The following RIMS2 variants were observed in gnomAD, a reference collection of about 807,000 sequenced individuals.
RIMS2 encodes the protein regulating synaptic membrane exocytosis protein 2.
In RIMS2, 59 loss-of-function variants were observed where a neutral mutation model predicts 174.4. The ratio of observed to expected loss-of-function variants is 0.34; its 90% CI spans 0.27 to 0.42. The LOEUF (loss-of-function observed/expected upper bound fraction) is 0.42, where lower values mean the gene tolerates loss of function less well. Ranked by LOEUF, RIMS2 falls within the 10% of genes least tolerant of loss-of-function variation. The pLI is 1.00. For synonymous variants in RIMS2, 606 were observed against 572.5 expected, an observed-to-expected ratio of 1.06 and a Z score of -0.84; for missense variants, 1,620 against 1,666.3, an observed-to-expected ratio of 0.97 and a Z score of 0.48.
intron 16 of RIMS2, among the ~76,000 whole-genome samples, chr8:103,981,060 A>G (rs2093859112): frequency 6.6e-6 from 1 of 152,182 alleles, no homozygotes; most frequent in Non-Finnish European, 1.5e-5. Context: ...CTGATTGTAG[A>G]GTCCTAGGAC....
At chr8:104,170,608 A>C (rs1295398575) in intron 19 of RIMS2, among the ~76,000 whole-genome samples, 1 of 152,060 alleles carries the variant, frequency 6.6e-6, no homozygotes, top group Non-Finnish European at 1.5e-5. Flanking sequence ...TTTTTTATCC[A>C]TTCTACCATT....
At chr8:103,755,773 A>G (rs377145984) in intron 2 of RIMS2, among the ~76,000 whole-genome samples, 122 of 152,238 alleles carry the variant, frequency 8.0e-4, no homozygotes, top group African/African-American at 2.8e-3. Context: ...TTTCAGCTCT[A>G]TCAGTTCATT....
At chr8:104,168,963 A>G (rs991881496) in intron 19 of RIMS2, among the ~76,000 whole-genome samples, 13 of 151,808 alleles carry the variant, frequency 8.6e-5, no homozygotes, top group Non-Finnish European at 1.8e-4. Flanking sequence ...TGACTTGTGT[A>G]TGTTAAACCA....
chr8:103,895,562 A>C (rs1243628165), intron 4 of RIMS2, among the ~76,000 whole-genome samples: 1 of 151,586 alleles, frequency 6.6e-6, no homozygotes. Flanking sequence ...ATTGGGGATT[A>C]AGGCTTCAAC....
chr8:103,693,418 C>T (rs2097057963), intron 1 of RIMS2, among the ~76,000 whole-genome samples: 3 of 152,220 alleles, frequency 2.0e-5, no homozygotes, highest in Admixed American at 6.5e-5. Context: ...ATTTGGTGTT[C>T]CTGTGAGGAG....
chr8:104,003,461 G>A (rs1402806514), intron 17 of RIMS2, among the ~76,000 whole-genome samples: 1 of 150,968 alleles, frequency 6.6e-6, no homozygotes, highest in African/African-American at 2.4e-5. Flanking sequence ...TCACCAGGCT[G>A]GAGTGCCAAT....
At chr8:103,874,552 A>T (rs146715865) in intron 3 of RIMS2, among the ~76,000 whole-genome samples, 1 of 152,212 alleles carries the variant, frequency 6.6e-6, no homozygotes, top group African/African-American at 2.4e-5. Context: ...ACATTTTTAG[A>T]GAATAGATTT....
At chr8:104,049,701 A>G (rs2096754016) in intron 19 of RIMS2, among the ~76,000 whole-genome samples, 1 of 152,132 alleles carries the variant, frequency 6.6e-6, no homozygotes. Flanking sequence ...ATAAAAATAA[A>G]TGACCAGCCA....
chr8:103,684,369 GT>G (rs1291528942), intron 1 of RIMS2, among the ~76,000 whole-genome samples: 1 of 151,906 alleles, frequency 6.6e-6, no homozygotes, highest in African/African-American at 2.4e-5. Context: ...GTTAAAAATA[GT>G]TTTTTACACT....
intron 2 of RIMS2, among the ~76,000 whole-genome samples, chr8:103,748,675 T>C (rs1028231921): frequency 2.0e-5 from 3 of 152,170 alleles, no homozygotes; most frequent in Non-Finnish European, 4.4e-5. Context: ...TAAAGCATTG[T>C]CTTCTTTACC....
intron 3 of RIMS2, among the ~76,000 whole-genome samples, chr8:103,848,556 T>C (rs1320136356): frequency 1.3e-5 from 2 of 152,020 alleles, no homozygotes; most frequent in Non-Finnish European, 2.9e-5. Context: ...GCTTCTGGAT[T>C]CGTGGTCACT....
intron 1 of RIMS2, among the ~76,000 whole-genome samples, chr8:103,583,265 A>G (rs894282995): frequency 6.6e-6 from 1 of 152,194 alleles, no homozygotes; most frequent in African/African-American, 2.4e-5. Context: ...AGCTTAGATC[A>G]CAACATCATA....
chr8:103,639,090 G>A (rs1385828187), intron 1 of RIMS2, among the ~76,000 whole-genome samples: 1 of 151,860 alleles, frequency 6.6e-6, no homozygotes, highest in Non-Finnish European at 1.5e-5. Flanking sequence ...TTTCACAAAT[G>A]CTAACTTGTA....
intron 19 of RIMS2, among the ~76,000 whole-genome samples, chr8:104,082,442 T>C (rs1415380085): frequency 1.3e-5 from 2 of 152,090 alleles, no homozygotes; most frequent in African/African-American, 4.8e-5. Flanking sequence ...AATCTGGGAA[T>C]AGAATAGAAT....
chr8:104,049,158 C>T (rs1419370108), intron 19 of RIMS2, among the ~76,000 whole-genome samples: 1 of 149,952 alleles, frequency 6.7e-6, no homozygotes, highest in Non-Finnish European at 1.5e-5. Flanking sequence ...GGCGGTGGCT[C>T]ACGCCTGTAT....
chr8:103,667,094 A>G (rs1489096195), intron 1 of RIMS2, among the ~76,000 whole-genome samples: 1 of 152,206 alleles, frequency 6.6e-6, no homozygotes, highest in Admixed American at 6.5e-5. Context: ...GAACCAAACC[A>G]GCTAAAATCA....
intron 3 of RIMS2, among the ~76,000 whole-genome samples, chr8:103,816,319 C>T (rs954670672): frequency 1.3e-5 from 2 of 152,084 alleles, no homozygotes. Context: ...GGTTTCCTAT[C>T]CTGTCTATGT....
chr8:104,127,644 T>C lies in RIMS2; in HGVS notation c.3334+113029T>C, dbSNP rs534920794. Among the ~76,000 whole-genome samples, 4 of 152,240 alleles carry C rather than the reference T, an allele frequency of 2.6e-5. No homozygotes were observed. The East Asian group carries it at 5.8e-4, about 22-fold the overall frequency. On this transcript the variant is annotated intron_variant, in intron 19 of 23. Coordinates refer to ENST00000504942, the Ensembl canonical transcript of RIMS2. ...ATTTATGTAATTATGATGATAATAATACTTCCTCATTGGATTGTTTGAGGA... is the reference window on the plus strand; with the variant it reads ...ATTTATGTAATTATGATGATAATAACACTTCCTCATTGGATTGTTTGAGGA...
chr8:104,069,515 C>CTGGA (rs2097161609), intron 19 of RIMS2, among the ~76,000 whole-genome samples: 1 of 128,284 alleles, frequency 7.8e-6, no homozygotes, highest in South Asian at 2.7e-4. Flanking sequence ...GTTGCCCAGA[C>CTGGA]TGGAGTGCAG....
Sources: allele counts gnomAD v4.1 joint callset (sites outside exome capture counted in the v4.1 genomes callset), GRCh38; gene constraint gnomAD v4.1.1; transcripts MANE v1.5; gene names NCBI Gene and HGNC (gene_info 2026-07-23, HGNC 2026-07-21).